The following MIF4GD variants were observed in gnomAD, a reference collection of about 807,000 sequenced individuals.
The protein encoded by MIF4GD is MIF4G domain containing.
In MIF4GD, 22 loss-of-function variants were observed where a neutral mutation model predicts 26.7. The ratio of observed to expected loss-of-function variants is 0.82; its 90% CI spans 0.59 to 1.18. The LOEUF is 1.18. Among genes scored for constraint, MIF4GD ranks in the 50% most tolerant of loss-of-function variants. The pLI, the probability that MIF4GD is intolerant of heterozygous loss-of-function variation, is 0.00. For missense variants in MIF4GD, 262 were observed against 279.6 expected (o/e 0.94, Z 0.45); for synonymous variants, 137 against 111.6 (o/e 1.23, Z -1.43).
chr17:75,267,751 G>A lies in MIF4GD; in HGVS notation c.343C>T (p.Leu115=). 1 of 1,613,318 alleles carries A rather than the reference G, an allele frequency of 6.2e-7. No homozygotes were observed. The highest frequency in any genetic ancestry group is 8.5e-7 in the Non-Finnish European group (1 of 1,179,520). The change falls in exon 4 of 6, where the codon CTG becomes TTG. Residue 115 remains leucine (L), a synonymous_variant. Coordinates refer to ENST00000325102, the MANE Select transcript of MIF4GD (RefSeq NM_001370592.1). ...VTFICNIFDY[L]RVNNMPMMAL... ...GGTGGCTGCCGGGGCCTCACCCTCA[G>A]GTAGTCAAAGATGTTGCAGATAAAG...
intron 2 of MIF4GD, among the ~76,000 whole-genome samples, chr17:75,269,741 CTT>C (rs1207377348): frequency 2.8e-5 from 3 of 107,626 alleles, no homozygotes; most frequent in East Asian, 2.4e-4. Flanking sequence ...TCTTTTCTTT[CTT>C]TTTTTTTTTT....
At chr17:75,267,069 T>G in intron 5 of MIF4GD, 102 bp from the exon 6 acceptor site, 2 of 935,732 alleles carry the variant, frequency 2.1e-6, no homozygotes, top group Non-Finnish European at 3.3e-6. Flanking sequence ...TTTACACTCA[T>G]TCCCTTGCTC....
At chr17:75,269,540 T>C in intron 2 of MIF4GD, 10 of 1,399,626 alleles carry the variant, frequency 7.1e-6, no homozygotes, top group Non-Finnish European at 8.6e-6. Flanking sequence ...CTTTTTTTTA[T>C]GGTTAAACTT....
intron 5 of MIF4GD, 60 bp downstream of exon 5, chr17:75,267,476 GGC>G: frequency 6.5e-7 from 1 of 1,536,728 alleles, no homozygotes; most frequent in South Asian, 1.1e-5. Context: ...GCTGACACAC[GGC>G]TGAGCTGGAC....
At position 75,270,167 on chromosome 17, in the gene MIF4GD, T is replaced by A. The variant is rs1487948501; in HGVS notation, c.29A>T (p.Lys10Ile). 1 of 1,614,060 alleles carries A rather than the reference T, an allele frequency of 6.2e-7. No homozygotes were observed. Residue 10 changes from lysine to isoleucine, a missense_variant, in exon 2 of 6, where the codon AAA becomes ATA. Physicochemically the swap from Lys to Ile is moderately radical, Grantham distance 102. Transcript: ENST00000325102. This position sits in a 1 kb window ranked among gnomAD's most constrained non-coding sequence, Gnocchi z 5.7. ...GGTCTCTGCATCAAAGGACTGGATT[T>A]TATACTCCTCTCTACTGGGCTCCCC... Reference protein sequence around the residue: MGEPSREEYKIQSFDAETQQ... With the variant: MGEPSREEYIIQSFDAETQQ...
At chr17:75,269,981 T>TA (rs1388827130) in intron 2 of MIF4GD, 133 bp downstream of exon 2, 2 of 735,628 alleles carry the variant, frequency 2.7e-6, no homozygotes, top group African/African-American at 3.5e-5. Context: ...GTTCAAGAAT[T>TA]ACGTTGCCGA....
Position 75,269,548 on chromosome 17 carries a change from C to CTT in MIF4GD, c.82+564_82+565dup, listed in dbSNP as rs547476219. On this transcript the variant is annotated intron_variant, in intron 2 of 5. Coordinates refer to ENST00000325102, the MANE Select transcript of MIF4GD (RefSeq NM_001370592.1). ...CCGTGTTCTTTTTTTTATGGTTAAA[C>CTT]TTTTTTTTTTTTTTTTTTTTTTTTT... is the stretch of plus-strand genomic sequence containing the variant. 1.1e-3 allele frequency: 622 copies of CTT among 558,242 alleles called. 10 individuals carry two copies. Among genetic ancestry groups the CTT allele is most frequent in the African/African-American group, 5.4e-3 (159 of 29,688 alleles). 34.6% of individuals were successfully genotyped at this position (558,242 alleles called of 1,614,324 possible).
chr17:75,267,051 G>A (rs1445840216), intron 5 of MIF4GD, 84 bp from the exon 6 acceptor site: 2 of 1,222,644 alleles, frequency 1.6e-6, no homozygotes, highest in Non-Finnish European at 2.3e-6. Flanking sequence ...CAGGTGCTGT[G>A]CTTTGCCTTT....
intron 2 of MIF4GD, among the ~76,000 whole-genome samples, 177 bp downstream of exon 2, chr17:75,269,937 C>G (rs149046433): frequency 6.6e-6 from 1 of 152,010 alleles, no homozygotes; most frequent in East Asian, 1.9e-4. Context: ...GATTCATACT[C>G]CAAAATAATG....
chr17:75,268,204 G>T lies in MIF4GD; in HGVS notation c.83-12C>A, dbSNP rs2077575176. On this transcript the variant is annotated splice_polypyrimidine_tract_variant and intron_variant, in intron 2 of 5. Coordinates refer to ENST00000325102, the MANE Select transcript of MIF4GD (RefSeq NM_001370592.1). ...CACAGCACCCGGATCTAGGGGTAGAGATAGGAGGGGAGTCTAGAGCTGCTG... is the reference window on the plus strand; with the variant it reads ...CACAGCACCCGGATCTAGGGGTAGATATAGGAGGGGAGTCTAGAGCTGCTG... 6.2e-7 allele frequency: 1 copy of T among 1,602,492 alleles called. No homozygotes were observed. Among genetic ancestry groups the T allele is most frequent in the East Asian group, 2.2e-5 (1 of 44,830 alleles).
Position 75,268,133 on chromosome 17 carries a change from C to T in MIF4GD, c.142G>A (p.Asp48Asn). 1 of 1,614,260 alleles carries T rather than the reference C, an allele frequency of 6.2e-7. No homozygotes were observed. The highest frequency in any genetic ancestry group is 8.5e-7 in the Non-Finnish European group (1 of 1,180,044). ...ANVIVDHSLQ[D>N]CVFSKEAGRM... ...CCTGCTTCCTTGCTGAACACACAGT[C>T]CTGCAGAGAATGGTCCACAATCACA... Residue 48 changes from aspartate (D) to asparagine (N), a missense_variant, in exon 3 of 6, where the codon GAC (aspartate) becomes AAC (asparagine). Transcript: ENST00000325102.
Position 75,270,085 on chromosome 17 carries a change from C to A in MIF4GD, c.82+29G>T, listed in dbSNP as rs199938882. ...AGGGGCCCTTCTCTGTAGCTCCTGA[C>A]CCCAGCTCAGGAGGGGTCCCGTGCT... On this transcript the variant is annotated intron_variant, in intron 2 of 5. Transcript: ENST00000325102. The surrounding 1 kb of genome is among the most constrained non-coding windows in gnomAD (Gnocchi z 5.7). The A allele has an allele frequency of 1.0e-4, 161 of 1,601,258 alleles. No individual in the cohort carries two copies. The highest frequency in any genetic ancestry group is 2.2e-4 in the Admixed American group (13 of 59,998).
chr17:75,269,280 A>C (rs2077621260), intron 2 of MIF4GD: 1 of 1,591,286 alleles, frequency 6.3e-7, no homozygotes. Context: ...AGAGGGCCAC[A>C]TAGGGCCTCC....
rs1598151469 is a variant in MIF4GD, at chr17:75,266,592, A to G, written c.*148T>C. 1.3e-6 allele frequency: 1 copy of G among 752,632 alleles called. No homozygotes were observed. Among genetic ancestry groups the G allele is most frequent in the African/African-American group, 1.7e-5 (1 of 57,474 alleles). The allele number at this position is 752,632 out of a possible 1,614,324, so 46.6% of individuals were successfully genotyped here. A position where few individuals can be genotyped will look rare whatever the true frequency, so the allele number is the denominator to read the frequency against. ...CAGGACCACGGCATAAGTGGGAAAC[A>G]TCTCACCAGGAGATGGGAAAGTCTA... On this transcript the variant is annotated 3_prime_UTR_variant, in exon 6 of 6. Coordinates refer to ENST00000325102, the MANE Select transcript of MIF4GD (RefSeq NM_001370592.1).
At chr17:75,269,422 C>T in intron 2 of MIF4GD, 1 of 1,614,068 alleles carries the variant, frequency 6.2e-7, no homozygotes. Context: ...ACGGAATATT[C>T]TCCATCTTCT....
At chr17:75,269,014 A>T (rs569444189) in intron 2 of MIF4GD, among the ~76,000 whole-genome samples, 45 of 151,938 alleles carry the variant, frequency 3.0e-4, no homozygotes, top group African/African-American at 1.1e-3. Context: ...AAAAAAAAAA[A>T]GGGAAAAGAA....
chr17:75,269,744 T>C (rs2077657232), intron 2 of MIF4GD, among the ~76,000 whole-genome samples: 1 of 95,690 alleles, frequency 1.0e-5, no homozygotes, highest in African/African-American at 2.8e-5. Context: ...TTTCTTTCTT[T>C]TTTTTTTTTT....
chr17:75,270,337 G>C lies in MIF4GD; in HGVS notation c.-50-92C>G, dbSNP rs573561884. 1 of 701,756 alleles carries C rather than the reference G, an allele frequency of 1.4e-6. No homozygotes were observed. The highest frequency in any genetic ancestry group is 1.6e-5 in the South Asian group (1 of 61,846). The allele number at this position is 701,756 out of a possible 1,614,324, so 43.5% of individuals were successfully genotyped here. On this transcript the variant is annotated intron_variant, in intron 1 of 5. Transcript: ENST00000325102. The surrounding 1 kb of genome is among the most constrained non-coding windows in gnomAD (Gnocchi z 5.7). ...CCTGGACGGGGCTGACGGCGCGCTC[G>C]GGACAGGGACTCCTGGGCGGTCCGT...
At chr17:75,269,002 CAAAA>C (rs59896034) in intron 2 of MIF4GD, among the ~76,000 whole-genome samples, 5 of 138,402 alleles carry the variant, frequency 3.6e-5, no homozygotes, top group African/African-American at 1.1e-4. Flanking sequence ...GAAACTGTCT[CAAAA>C]AAAAAAAAGG....
Sources: allele counts gnomAD v4.1 joint callset (sites outside exome capture counted in the v4.1 genomes callset), GRCh38; gene constraint gnomAD v4.1.1; non-coding constraint Gnocchi (gnomAD v3.1); transcripts MANE v1.5; gene names NCBI Gene and HGNC (gene_info 2026-07-23, HGNC 2026-07-21).